BIN3: variants seen among roughly 807,000 people sequenced by gnomAD.
BIN3 encodes the protein bridging integrator 3.
A neutral mutation model predicts 38.2 loss-of-function variants in BIN3; 41 were observed. The ratio of observed to expected loss-of-function variants is 1.07; its 90% CI spans 0.84 to 1.39. BIN3 has a LOEUF of 1.39. Among genes scored for constraint, BIN3 ranks in the 40% most tolerant of loss-of-function variants. BIN3 has a pLI of 0.00. For synonymous variants in BIN3, 145 were observed against 122.6 expected (o/e 1.18, Z -1.21); for missense variants, 361 against 324.3 (o/e 1.11, Z -0.87).
At chr8:22,644,892 C>T (rs938024995) in intron 1 of BIN3, 89 bp from the exon 2 acceptor site, 6 of 1,219,536 alleles carry the variant, frequency 4.9e-6, no homozygotes, top group Non-Finnish European at 7.1e-6. Flanking sequence ...CACTTTCCCC[C>T]AGGAGGGCGA....
chr8:22,639,220 G>A (rs932359841), intron 2 of BIN3, among the ~76,000 whole-genome samples: 4 of 151,900 alleles, frequency 2.6e-5, no homozygotes, highest in Non-Finnish European at 4.4e-5. Context: ...GTGGAGACTT[G>A]ATAGTACTAA....
chr8:22,636,657 G>T, intron 3 of BIN3, 71 bp from the exon 4 acceptor site: 1 of 1,480,354 alleles, frequency 6.8e-7, no homozygotes, highest in South Asian at 1.2e-5. Flanking sequence ...CAGGTGCTCT[G>T]GAGGGCCTGC....
chr8:22,628,908 G>T lies in BIN3; in HGVS notation c.338+1056C>A, dbSNP rs1802092169. On this transcript the variant is annotated intron_variant, in intron 6 of 8. Transcript: ENST00000276416. ...CTCCCTACGCAACCCTGTGGCATGGGGCTGCGCTGTCCCCAGCAGGCAGGG... is the reference window on the plus strand; with the variant it reads ...CTCCCTACGCAACCCTGTGGCATGGTGCTGCGCTGTCCCCAGCAGGCAGGG... Among the ~76,000 whole-genome samples the T allele has an allele frequency of 2.0e-5, 3 of 152,194 alleles. No homozygotes were observed. In the South Asian group the frequency reaches 6.2e-4, roughly 32 times the overall value.
At chr8:22,637,430 CCACCTGCCCCTGCTGGGCTCAGGGT>C (rs1802406588) in intron 2 of BIN3, among the ~76,000 whole-genome samples, 1 of 152,218 alleles carries the variant, frequency 6.6e-6, no homozygotes, top group South Asian at 2.1e-4. Flanking sequence ...CCACTCAGGG[CCACCTGCCCCTGCTGGGCTCAGGGT>C]GGGTCAGGAA....
chr8:22,632,296 T>G (rs1250478462), intron 4 of BIN3, among the ~76,000 whole-genome samples: 1 of 152,182 alleles, frequency 6.6e-6, no homozygotes, highest in Non-Finnish European at 1.5e-5. Flanking sequence ...GGGAAGGGTC[T>G]GCCTCCGCCA....
rs1482710979 is a variant in BIN3, at chr8:22,669,072, C to A, written c.-21G>T. On this transcript the variant is annotated 5_prime_UTR_variant, in exon 1 of 9. Coordinates refer to ENST00000276416, the MANE Select transcript of BIN3 (RefSeq NM_018688.6). Reference sequence around the variant, plus strand: ...CTCATGGTCCCGAACCTGCGTCTGCCGCCGGGGTCCTCAGCCACAACTCGT... The same window carrying A: ...CTCATGGTCCCGAACCTGCGTCTGCAGCCGGGGTCCTCAGCCACAACTCGT... The A allele has an allele frequency of 3.1e-6, 5 of 1,591,026 alleles. No homozygotes were observed. The highest frequency in any genetic ancestry group is 3.4e-6 in the Non-Finnish European group (4 of 1,169,206).
intron 1 of BIN3, among the ~76,000 whole-genome samples, chr8:22,665,864 G>A (rs1224263429): frequency 6.6e-6 from 1 of 152,204 alleles, no homozygotes; most frequent in Non-Finnish European, 1.5e-5. Flanking sequence ...GAAGACCCCG[G>A]AAGAGTCAGA....
chr8:22,630,613 A>G (rs1802163746), intron 4 of BIN3, 35 bp from the exon 5 acceptor site: 1 of 1,611,658 alleles, frequency 6.2e-7, no homozygotes, highest in Admixed American at 1.7e-5. Context: ...ACCTTCTATG[A>G]AGGGGCAGGT....
chr8:22,665,690 C>T (rs999194550), intron 1 of BIN3, among the ~76,000 whole-genome samples: 3 of 152,194 alleles, frequency 2.0e-5, no homozygotes, highest in African/African-American at 2.4e-5. Flanking sequence ...ATGGAACACA[C>T]GGAGTGAAGA....
intron 8 of BIN3, among the ~76,000 whole-genome samples, chr8:22,623,529 T>C (rs1397017117): frequency 6.6e-6 from 1 of 152,118 alleles, no homozygotes; most frequent in Admixed American, 6.5e-5. Flanking sequence ...AGCTGAGTCC[T>C]CAGAAAAGGC....
intron 1 of BIN3, among the ~76,000 whole-genome samples, chr8:22,654,933 C>T (rs1803009223): frequency 6.6e-6 from 1 of 152,212 alleles, no homozygotes; most frequent in Admixed American, 6.5e-5. Context: ...TATCATTTTA[C>T]ATTCCCACCA....
chr8:22,644,884 C>CT, intron 1 of BIN3, 81 bp from the exon 2 acceptor site: 1 of 1,300,736 alleles, frequency 7.7e-7, no homozygotes, highest in Non-Finnish European at 1.1e-6. Flanking sequence ...GTACAGGCCA[C>CT]TTTCCCCCAG....
chr8:22,629,231 A>C (rs1260038299), intron 6 of BIN3, among the ~76,000 whole-genome samples: 2 of 152,118 alleles, frequency 1.3e-5, no homozygotes, highest in African/African-American at 4.8e-5. Context: ...CTGGCAAGGC[A>C]CTGCCTGGGA....
intron 1 of BIN3, among the ~76,000 whole-genome samples, chr8:22,645,987 G>A (rs374362074): frequency 1.3e-5 from 2 of 152,338 alleles, no homozygotes; most frequent in East Asian, 1.9e-4. Flanking sequence ...ATGGCACAGC[G>A]GAAGGAGGAT....
chr8:22,627,010 C>T (rs865966509), intron 6 of BIN3, among the ~76,000 whole-genome samples: 1 of 152,180 alleles, frequency 6.6e-6, no homozygotes, highest in African/African-American at 2.4e-5. Flanking sequence ...GCTGCATGGG[C>T]TCCTGCCAGC....
At chr8:22,642,308 G>C (rs1802589036) in intron 2 of BIN3, among the ~76,000 whole-genome samples, 1 of 125,498 alleles carries the variant, frequency 8.0e-6, no homozygotes, top group Non-Finnish European at 1.6e-5. Flanking sequence ...TGAGACAACT[G>C]CACAGCCCAG....
At position 22,669,121 on chromosome 8, in the gene BIN3, C is replaced by G; in HGVS notation, c.-70G>C. ...GTTTCTCTAGGGTCACTTCCGGATT[C>G]AACCAGTCTCCAGGAAGTGACGTAA... is the stretch of plus-strand genomic sequence containing the variant. On this transcript the variant is annotated 5_prime_UTR_variant, in exon 1 of 9. Transcript: ENST00000276416. 1 of 1,547,828 alleles carries G rather than the reference C, an allele frequency of 6.5e-7. No individual in the cohort carries two copies. Among genetic ancestry groups the G allele is most frequent in the Non-Finnish European group, 8.8e-7 (1 of 1,142,696 alleles).
At chr8:22,639,556 T>C (rs922674182) in intron 2 of BIN3, among the ~76,000 whole-genome samples, 3 of 152,164 alleles carry the variant, frequency 2.0e-5, no homozygotes, top group African/African-American at 7.2e-5. Flanking sequence ...TACGAGGAAA[T>C]AGCTGATATC....
intron 1 of BIN3, among the ~76,000 whole-genome samples, chr8:22,651,377 C>A (rs1408098156): frequency 1.3e-5 from 2 of 152,232 alleles, no homozygotes; most frequent in Non-Finnish European, 2.9e-5. Flanking sequence ...TGCCTGCTCC[C>A]CAGCCGTGAG....
Sources: gnomAD v4.1 joint callset for allele counts (sites outside exome capture counted in the v4.1 genomes callset) on GRCh38, gnomAD v4.1.1 for gene constraint, MANE v1.5 for transcripts, NCBI Gene and HGNC (gene_info 2026-07-23, HGNC 2026-07-21) for gene names.